The following BICC1 variants were observed in gnomAD, a reference collection of about 807,000 sequenced individuals.
BICC1 encodes the protein protein bicaudal C homolog 1.
Under a neutral mutation model 111.0 loss-of-function variants are expected in BICC1, and 43 were observed. The observed-to-expected ratio is 0.39, with a 90% CI of 0.30 to 0.50. The LOEUF is 0.50. BICC1 is among the 20% of genes least tolerant of loss of function. The pLI, the probability that BICC1 is intolerant of heterozygous loss-of-function variation, is 0.88. For synonymous variants in BICC1, 467 were observed against 434.4 expected (o/e 1.07, Z -0.93); for missense variants, 1,091 against 1,203.2 (o/e 0.91, Z 1.38).
intron 1 of BICC1, among the ~76,000 whole-genome samples, chr10:58,573,935 TC>T (rs1844036609): frequency 6.6e-6 from 1 of 152,186 alleles, no homozygotes; most frequent in African/African-American, 2.4e-5. Context: ...CCACTCTACA[TC>T]TGGCAAAATT....
intron 3 of BICC1, among the ~76,000 whole-genome samples, chr10:58,769,404 G>GTGTATATATATATATATATA (rs1050060686): frequency 1.7e-4 from 19 of 109,756 alleles, no homozygotes; most frequent in South Asian, 7.0e-4. Flanking sequence ...GTGTGTGTGT[G>GTGTATATATATATATATATA]TATATATATA....
chr10:58,636,408 G>A (rs1359194274), intron 2 of BICC1, among the ~76,000 whole-genome samples: 2 of 152,128 alleles, frequency 1.3e-5, no homozygotes, highest in Admixed American at 1.3e-4. Context: ...GCAATAAGAG[G>A]TAGTGCTATC....
chr10:58,688,404 T>TTAGCTAGAC (rs1213408156), intron 2 of BICC1, among the ~76,000 whole-genome samples: 2 of 152,112 alleles, frequency 1.3e-5, no homozygotes, highest in African/African-American at 4.8e-5. Flanking sequence ...TTACAAACCT[T>TTAGCTAGAC]TAGCTAGACA....
intron 1 of BICC1, among the ~76,000 whole-genome samples, chr10:58,581,884 A>G (rs963418011): frequency 1.3e-5 from 2 of 152,080 alleles, no homozygotes; most frequent in African/African-American, 4.8e-5. Flanking sequence ...CATTCCTTTA[A>G]TCATCAAATT....
intron 1 of BICC1, among the ~76,000 whole-genome samples, chr10:58,609,399 A>G (rs1845339719): frequency 6.6e-6 from 1 of 152,188 alleles, no homozygotes; most frequent in Non-Finnish European, 1.5e-5. Context: ...CTCTACTTGA[A>G]ACTTTTCAAT....
chr10:58,644,942 A>G (rs1412899248), intron 2 of BICC1, among the ~76,000 whole-genome samples: 2 of 152,146 alleles, frequency 1.3e-5, no homozygotes, highest in Admixed American at 1.3e-4. Flanking sequence ...AATAACAATA[A>G]AAGGTCATCA....
chr10:58,516,183 A>G (rs1032417275), intron 1 of BICC1, among the ~76,000 whole-genome samples: 1 of 152,194 alleles, frequency 6.6e-6, no homozygotes, highest in African/African-American at 2.4e-5. Context: ...CAGGTTTCCA[A>G]TTTAAATCAG....
chr10:58,799,267 C>T lies in BICC1; in HGVS notation c.1725+15C>T, dbSNP rs1589150484. On this transcript the variant is annotated intron_variant, in intron 12 of 20. Transcript: ENST00000373886. ...GACATGCACAGGTAATGGCCTTCTG[C>T]CAGAATGTGTGTGTGATCTGTACTG... 8 of 1,566,096 alleles carry T rather than the reference C, an allele frequency of 5.1e-6. No individual in the cohort carries two copies. In the African/African-American group the frequency reaches 8.1e-5, roughly 16 times the overall value.
chr10:58,562,102 T>C (rs1469203680), intron 1 of BICC1, among the ~76,000 whole-genome samples: 1 of 152,164 alleles, frequency 6.6e-6, no homozygotes, highest in Admixed American at 6.5e-5. Context: ...GAGAGAACTT[T>C]TTTGAATTAA....
chr10:58,789,562 A>G (rs1292397939), intron 7 of BICC1, 106 bp downstream of exon 7: 5 of 1,513,096 alleles, frequency 3.3e-6, no homozygotes, highest in Non-Finnish European at 4.5e-6. Context: ...CCTTCGTTCT[A>G]CATTTTGGTT....
chr10:58,792,891 A>G (rs768144380), intron 8 of BICC1, among the ~76,000 whole-genome samples: 10 of 151,998 alleles, frequency 6.6e-5, no homozygotes, highest in Non-Finnish European at 1.0e-4. Flanking sequence ...CTTCTGTGAA[A>G]CTGGTCTGTG....
At position 58,601,140 on chromosome 10, in the gene BICC1, TTATATATATATATA is replaced by T. The variant is rs71033690; in HGVS notation, c.191-19697_191-19684del. Among the ~76,000 whole-genome samples, 5 of 100,672 alleles carry T rather than the reference TTATATATATATATA, an allele frequency of 5.0e-5. 1 individual carries two copies. Among genetic ancestry groups the T allele is most frequent in the African/African-American group, 1.1e-4 (3 of 27,296 alleles). 66.0% of individuals were successfully genotyped at this position (100,672 alleles called of 152,430 possible). A position where few individuals can be genotyped will look rare whatever the true frequency, so the allele number is the denominator to read the frequency against. On this transcript the variant is annotated intron_variant, in intron 1 of 20. Transcript: ENST00000373886. The stretch of plus-strand genomic sequence containing the variant: ...ACTTTTTAGGCAGTCATTTTAAAAC[TTATATATATATATA>T]TATATATATATATATATCTCCCAAT...
At chr10:58,607,265 G>A (rs373153757) in intron 1 of BICC1, among the ~76,000 whole-genome samples, 1 of 141,638 alleles carries the variant, frequency 7.1e-6, no homozygotes, top group South Asian at 2.3e-4. Context: ...GCAGTGAGCC[G>A]AGATTGTGCC....
intron 1 of BICC1, among the ~76,000 whole-genome samples, chr10:58,525,025 G>A (rs11594240): frequency 3.4e-5 from 5 of 145,768 alleles, no homozygotes; most frequent in African/African-American, 1.2e-4. Flanking sequence ...CCATCTCACA[G>A]CAGTTAGAAT....
intron 1 of BICC1, among the ~76,000 whole-genome samples, chr10:58,577,012 G>C (rs778807961): frequency 6.6e-6 from 1 of 152,172 alleles, no homozygotes; most frequent in South Asian, 2.1e-4. Context: ...AGGGAAAACA[G>C]AAACAAACTG....
intron 2 of BICC1, among the ~76,000 whole-genome samples, chr10:58,664,367 G>A (rs965862929): frequency 2.6e-5 from 4 of 152,150 alleles, no homozygotes; most frequent in African/African-American, 9.7e-5. Flanking sequence ...TGAAGTATAT[G>A]TTTGAGATTT....
chr10:58,546,570 CA>C (rs148890409), intron 1 of BICC1, among the ~76,000 whole-genome samples: 4,706 of 152,208 alleles, frequency 0.031, 229 homozygotes, highest in African/African-American at 0.11. Flanking sequence ...GTGGTGCTTA[CA>C]GGTCATCTCT....
At position 58,615,342 on chromosome 10, in the gene BICC1, C is replaced by T. The variant is rs180671088; in HGVS notation, c.191-5513C>T. Among the ~76,000 whole-genome samples the T allele has an allele frequency of 9.9e-5, 15 of 152,154 alleles. No homozygotes were observed. In the East Asian group the frequency reaches 2.1e-3, roughly 22 times the overall value. On this transcript the variant is annotated intron_variant, in intron 1 of 20. Coordinates refer to ENST00000373886, the MANE Select transcript of BICC1 (RefSeq NM_001080512.3). Reference sequence around the variant, plus strand: ...CAGTGTGTAAGGAAAATGGATGTGCCGCAGTCAAGAATACGTCGAGGCAGA... The same window carrying T: ...CAGTGTGTAAGGAAAATGGATGTGCTGCAGTCAAGAATACGTCGAGGCAGA...
intron 2 of BICC1, among the ~76,000 whole-genome samples, chr10:58,633,582 G>T (rs1837862419): frequency 6.6e-6 from 1 of 152,120 alleles, no homozygotes; most frequent in Non-Finnish European, 1.5e-5. Context: ...AAATTGCCAA[G>T]TTCAGAATGA....
Sources: allele counts gnomAD v4.1 joint callset (sites outside exome capture counted in the v4.1 genomes callset), GRCh38; gene constraint gnomAD v4.1.1; transcripts MANE v1.5; gene names NCBI Gene and HGNC (gene_info 2026-07-23, HGNC 2026-07-21).